The following SCAPER variants were observed in gnomAD, a reference collection of about 807,000 sequenced individuals.
SCAPER encodes S phase cyclin A-associated protein in the endoplasmic reticulum.
A neutral mutation model predicts 182.2 loss-of-function variants in SCAPER; 98 were observed. The observed-to-expected ratio is 0.54, with a 90% CI of 0.46 to 0.64. SCAPER has a LOEUF of 0.64. SCAPER is among the 30% of genes least tolerant of loss of function. SCAPER has a pLI of 0.00. For missense variants in SCAPER, 1,432 were observed against 1,690.0 expected (o/e 0.85, Z 2.68); for synonymous variants, 605 against 564.6 (o/e 1.07, Z -1.01).
intron 27 of SCAPER, among the ~76,000 whole-genome samples, chr15:76,400,642 G>C (rs951660282): frequency 6.6e-6 from 1 of 152,174 alleles, no homozygotes; most frequent in African/African-American, 2.4e-5. Flanking sequence ...AGCTCTTTCA[G>C]AGAAGTAGCT....
At position 76,712,521 on chromosome 15, in the gene SCAPER, C is replaced by T. The variant is rs536750934; in HGVS notation, c.2166-6537G>A. ...GGGATGGCACTGAATCTATAAATTA[C>T]CTTGGGCAGTATGGCCATTTTCACG... is the stretch of plus-strand genomic sequence containing the variant. On this transcript the variant is annotated intron_variant, in intron 17 of 31. Transcript: ENST00000563290. 3.1e-3 allele frequency among the ~76,000 whole-genome samples: 478 copies of T among 152,252 alleles called. 5 individuals carry two copies. Among genetic ancestry groups the T allele is most frequent in the African/African-American group, 0.011 (455 of 41,534 alleles).
At chr15:76,727,978 T>C (rs943518952) in intron 17 of SCAPER, among the ~76,000 whole-genome samples, 1 of 152,042 alleles carries the variant, frequency 6.6e-6, no homozygotes, top group South Asian at 2.1e-4. Context: ...CAGGGACAAG[T>C]AGAAAAGCAA....
chr15:76,655,543 C>A (rs1221331559), intron 21 of SCAPER, among the ~76,000 whole-genome samples: 7 of 152,120 alleles, frequency 4.6e-5, no homozygotes, highest in African/African-American at 7.2e-5. Flanking sequence ...ACTCAGAGAA[C>A]CCCTGTGAGA....
At chr15:76,445,475 G>C (rs1002520473) in intron 25 of SCAPER, among the ~76,000 whole-genome samples, 2 of 152,146 alleles carry the variant, frequency 1.3e-5, no homozygotes, top group African/African-American at 4.8e-5. Flanking sequence ...CTCTGACACT[G>C]TTCTGATGGG....
At chr15:76,558,617 T>C (rs569391235) in intron 23 of SCAPER, among the ~76,000 whole-genome samples, 8 of 152,204 alleles carry the variant, frequency 5.3e-5, no homozygotes, top group Non-Finnish European at 7.4e-5. Flanking sequence ...GCAGTTGTGA[T>C]GCTTTCTCAG....
chr15:76,757,788 A>G (rs775855525), intron 14 of SCAPER, among the ~76,000 whole-genome samples: 10 of 152,166 alleles, frequency 6.6e-5, no homozygotes, highest in African/African-American at 4.8e-5. Flanking sequence ...TCATTTTGAT[A>G]ATAGCCATCC....
chr15:76,643,693 C>A (rs908632704), intron 21 of SCAPER, among the ~76,000 whole-genome samples: 1 of 152,082 alleles, frequency 6.6e-6, no homozygotes, highest in Non-Finnish European at 1.5e-5. Flanking sequence ...AAAAAACAAA[C>A]AAACAAAAAG....
chr15:76,858,896 C>A (rs568543449), intron 3 of SCAPER, among the ~76,000 whole-genome samples: 1 of 152,188 alleles, frequency 6.6e-6, no homozygotes, highest in Admixed American at 6.5e-5. Flanking sequence ...AGGTTGATTC[C>A]ATGTTTTTGC....
chr15:76,399,547 C>T (rs1053460566), intron 27 of SCAPER, among the ~76,000 whole-genome samples: 1 of 152,188 alleles, frequency 6.6e-6, no homozygotes, highest in Non-Finnish European at 1.5e-5. Context: ...TAAAATCAAT[C>T]CTTTCATCAG....
intron 14 of SCAPER, among the ~76,000 whole-genome samples, chr15:76,759,727 G>GT (rs1188682178): frequency 2.0e-5 from 3 of 152,154 alleles, no homozygotes; most frequent in East Asian, 3.9e-4. Context: ...ATATTAGTGT[G>GT]TTTTTTGTCT....
At chr15:76,403,065 G>A (rs1049695361) in intron 27 of SCAPER, among the ~76,000 whole-genome samples, 14 of 152,212 alleles carry the variant, frequency 9.2e-5, no homozygotes, top group African/African-American at 2.9e-4. Flanking sequence ...ATGCTGGCAG[G>A]TTTGTAATGT....
chr15:76,873,676 T>C (rs544095822), intron 2 of SCAPER, among the ~76,000 whole-genome samples: 6 of 152,216 alleles, frequency 3.9e-5, no homozygotes, highest in African/African-American at 1.4e-4. Flanking sequence ...TATAGAAGAT[T>C]TGAACAACAT....
intron 15 of SCAPER, among the ~76,000 whole-genome samples, chr15:76,750,240 C>CA (rs1369413093): frequency 1.3e-5 from 2 of 151,410 alleles, no homozygotes; most frequent in East Asian, 3.9e-4. Context: ...AAGACTAAAT[C>CA]AAAAAAATTT....
chr15:76,506,438 A>C (rs2041590291), intron 23 of SCAPER, among the ~76,000 whole-genome samples: 1 of 152,130 alleles, frequency 6.6e-6, no homozygotes, highest in Non-Finnish European at 1.5e-5. Context: ...AGTGGCTAGG[A>C]CCAACACTAA....
chr15:76,509,939 G>T (rs769110826), intron 23 of SCAPER, among the ~76,000 whole-genome samples: 1 of 152,040 alleles, frequency 6.6e-6, no homozygotes, highest in South Asian at 2.1e-4. Flanking sequence ...GAGCCAACTG[G>T]TCTTCAACAA....
intron 21 of SCAPER, among the ~76,000 whole-genome samples, chr15:76,652,492 A>AATAT (rs546598892): frequency 1.1e-5 from 1 of 95,116 alleles, no homozygotes; most frequent in South Asian, 3.8e-4. Flanking sequence ...GTCTTTGCTA[A>AATAT]ATATATATAT....
At chr15:76,605,131 C>T (rs2050267136) in intron 22 of SCAPER, among the ~76,000 whole-genome samples, 1 of 152,138 alleles carries the variant, frequency 6.6e-6, no homozygotes, top group African/African-American at 2.4e-5. Flanking sequence ...CCAGTTTTTG[C>T]TCATTCCGTA....
At chr15:76,586,833 G>A (rs1407361488) in intron 22 of SCAPER, 1 of 151,934 alleles carries the variant, frequency 6.6e-6, no homozygotes, top group Non-Finnish European at 1.5e-5. Flanking sequence ...ATTTAGGGAG[G>A]ATTCCCTCTT....
At chr15:76,430,491 G>A (rs2046789877) in intron 26 of SCAPER, among the ~76,000 whole-genome samples, 1 of 152,248 alleles carries the variant, frequency 6.6e-6, no homozygotes, top group Admixed American at 6.5e-5. Context: ...CCCACCTCTT[G>A]CAACAGTGTG....
Sources: gnomAD v4.1 joint callset for allele counts (sites outside exome capture counted in the v4.1 genomes callset) on GRCh38, gnomAD v4.1.1 for gene constraint, MANE v1.5 for transcripts, NCBI Gene and HGNC (gene_info 2026-07-23, HGNC 2026-07-21) for gene names.